Variants in ST7L observed in about 807,000 individuals in gnomAD.
ST7L encodes suppressor of tumorigenicity 7 protein-like.
In ST7L, 57 loss-of-function variants were observed where a neutral mutation model predicts 72.5. The ratio of observed to expected loss-of-function variants is 0.79; its 90% CI spans 0.64 to 0.98. The LOEUF (loss-of-function observed/expected upper bound fraction) is 0.98. ST7L is among the 50% of genes least tolerant of loss of function. The pLI is 0.00. For synonymous variants in ST7L, 221 were observed against 240.9 expected, an observed-to-expected ratio of 0.92 and a Z score of 0.77; for missense variants, 576 against 672.2, an observed-to-expected ratio of 0.86 and a Z score of 1.58.
At position 112,526,087 on chromosome 1, in the gene ST7L, G is replaced by A; in HGVS notation, c.1654C>T (p.Pro552Ser). 1 of 1,614,188 alleles carries A rather than the reference G, an allele frequency of 6.2e-7. No individual in the cohort carries two copies. Among genetic ancestry groups the A allele is most frequent in the Non-Finnish European group, 8.5e-7 (1 of 1,180,032 alleles). ...KAVLGLWCPQ[P>S]WASSGFEENT... ...TCCTCAAAGCCTGAGGATGCCCAGG[G>A]TTGGGGGCACCAGAGTCCCAGCACC... is the stretch of plus-strand genomic sequence containing the variant. Residue 552 changes from proline (P) to serine (S), a missense_variant, in exon 15 of 15, where the codon CCC (proline) becomes TCC (serine). Transcript: ENST00000358039.
intron 14 of ST7L, chr1:112,529,293 T>C (rs1653982101): frequency 6.6e-6 from 1 of 152,190 alleles, no homozygotes; most frequent in African/African-American, 2.4e-5. Context: ...AGTGATAGCA[T>C]TTGTTAGTAT....
At chr1:112,551,620 TGTA>T (rs1553241837) in intron 12 of ST7L, among the ~76,000 whole-genome samples, 1 of 93,614 alleles carries the variant, frequency 1.1e-5, no homozygotes, top group Non-Finnish European at 2.7e-5. Context: ...TGAAAAAAAC[TGTA>T]TGGCCCACAA....
intron 11 of ST7L, among the ~76,000 whole-genome samples, chr1:112,568,867 T>TATATAA (rs1363654852): frequency 9.4e-4 from 48 of 51,052 alleles, no homozygotes; most frequent in African/African-American, 2.8e-3. Flanking sequence ...TATAAATATA[T>TATATAA]ATATATATAT....
At chr1:112,520,712 G>A, downstream of ST7L, 3 of 605,044 alleles carry the variant, frequency 5.0e-6, no homozygotes, top group Non-Finnish European at 5.8e-6. Flanking sequence ...ATAAGAAACT[G>A]AGCAAGCTCC....
Position 112,541,794 on chromosome 1 carries a change from T to G in ST7L, c.1629+157A>C, listed in dbSNP as rs911350390. On this transcript the variant is annotated intron_variant, in intron 14 of 14. Transcript: ENST00000358039. ...AGTAGCTCAAATCACCAAAAATTTA[T>G]GTTTGATGTATTTATGGCAGCAACT... 1.5e-5 allele frequency: 20 copies of G among 1,338,264 alleles called. No individual in the cohort carries two copies. In the South Asian group the frequency reaches 4.6e-4, roughly 31 times the overall value. The allele number at this position is 1,338,264 out of a possible 1,614,324, so 82.9% of individuals were successfully genotyped here. A position where few individuals can be genotyped will look rare whatever the true frequency, so the allele number is the denominator to read the frequency against.
intron 9 of ST7L, among the ~76,000 whole-genome samples, chr1:112,579,896 T>C (rs1045686919): frequency 6.6e-6 from 1 of 152,216 alleles, no homozygotes; most frequent in South Asian, 2.1e-4. Context: ...GTTTGTTACA[T>C]TCAGTCCCTA....
At chr1:112,569,849 TCAG>T (rs1344842027) in intron 11 of ST7L, among the ~76,000 whole-genome samples, 2 of 150,660 alleles carry the variant, frequency 1.3e-5, no homozygotes, top group Non-Finnish European at 2.9e-5. Context: ...TCCCAGCTAC[TCAG>T]GAGGCTGAGG....
chr1:112,518,061 T>G, the ST7L span: 1 of 152,174 alleles, frequency 6.6e-6, no homozygotes, highest in South Asian at 2.1e-4. Context: ...GTGCTGCCAT[T>G]GAAGATTCTG....
intron 12 of ST7L, among the ~76,000 whole-genome samples, chr1:112,551,303 C>T (rs1422904685): frequency 6.6e-6 from 1 of 151,984 alleles, no homozygotes; most frequent in Non-Finnish European, 1.5e-5. Flanking sequence ...TGCCCGCCAC[C>T]ACACCTGGCT....
intron 11 of ST7L, among the ~76,000 whole-genome samples, chr1:112,568,698 CA>C (rs1245307268): frequency 2.9e-4 from 39 of 133,104 alleles, no homozygotes; most frequent in Non-Finnish European, 5.2e-4. Flanking sequence ...ATTTAAAAAA[CA>C]AAAAAACAAC....
intron 11 of ST7L, among the ~76,000 whole-genome samples, chr1:112,563,460 T>C (rs913385367): frequency 2.0e-5 from 3 of 152,098 alleles, no homozygotes; most frequent in African/African-American, 7.2e-5. Flanking sequence ...AAGACACAGA[T>C]TTGGAAATTA....
intron 6 of ST7L, among the ~76,000 whole-genome samples, chr1:112,585,493 A>G (rs1156780272): frequency 6.6e-6 from 1 of 152,236 alleles, no homozygotes; most frequent in African/African-American, 2.4e-5. Context: ...CTGTAATCCC[A>G]GCACTTTGGG....
chr1:112,576,928 C>T, intron 11 of ST7L, 58 bp downstream of exon 11: 2 of 1,320,154 alleles, frequency 1.5e-6, no homozygotes, highest in Non-Finnish European at 2.2e-6. Context: ...GGTCTACGAA[C>T]TGTCATCAAT....
chr1:112,547,490 C>CCCTTCTCA (rs1171791668), intron 13 of ST7L, among the ~76,000 whole-genome samples: 1 of 149,758 alleles, frequency 6.7e-6, no homozygotes, highest in Non-Finnish European at 1.5e-5. Flanking sequence ...CCATGTCTGG[C>CCCTTCTCA]CCTTCTCAAG....
At chr1:112,521,982 C>G (rs1652905358), downstream of ST7L, 1 of 152,150 alleles carries the variant, frequency 6.6e-6, no homozygotes, top group Non-Finnish European at 1.5e-5. Flanking sequence ...TTCTGAGCTT[C>G]TATTTTCTCA....
intron 2 of ST7L, 60 bp from the exon 3 acceptor site, chr1:112,611,063 T>G: frequency 6.5e-7 from 1 of 1,539,836 alleles, no homozygotes. Context: ...TGAGCTCAAA[T>G]TAAAACATTC....
At chr1:112,541,015 C>T (rs1007723994) in intron 14 of ST7L, 25 of 471,766 alleles carry the variant, frequency 5.3e-5, no homozygotes, top group Non-Finnish European at 7.8e-5. Flanking sequence ...CTGGGCATGG[C>T]GGCTCATGCC....
chr1:112,566,285 TTTC>T (rs1397313036), intron 11 of ST7L, among the ~76,000 whole-genome samples: 1,647 of 130,960 alleles, frequency 0.013, 137 homozygotes, highest in East Asian at 0.018. Flanking sequence ...TTTATTTCTT[TTTC>T]TTCTTCTTCT....
At chr1:112,520,195 A>G, downstream of ST7L, 1 of 1,367,096 alleles carries the variant, frequency 7.3e-7, no homozygotes, top group Non-Finnish European at 1.0e-6. Context: ...GATTCTTTTT[A>G]TCTTCCTTCT....
Sources: gnomAD v4.1 joint callset for allele counts (sites outside exome capture counted in the v4.1 genomes callset) on GRCh38, gnomAD v4.1.1 for gene constraint, MANE v1.5 for transcripts, NCBI Gene and HGNC (gene_info 2026-07-23, HGNC 2026-07-21) for gene names.